The following CSMD1 variants were observed in gnomAD, a reference collection of about 807,000 sequenced individuals.
The protein encoded by CSMD1 is CUB and Sushi multiple domains 1.
Under a neutral mutation model 417.5 loss-of-function variants are expected in CSMD1, and 213 were observed. That is an observed-to-expected ratio of 0.51 (90% CI 0.46 to 0.57). The LOEUF (loss-of-function observed/expected upper bound fraction) is 0.57, where lower values mean the gene tolerates loss of function less well. Ranked by LOEUF, CSMD1 falls within the 20% of genes least tolerant of loss-of-function variation. The pLI is 0.00. For synonymous variants in CSMD1, 2,862 were observed against 1,736.8 expected, an observed-to-expected ratio of 1.65 and a Z score of -16.11; for missense variants, 6,923 against 4,529.7, an observed-to-expected ratio of 1.53 and a Z score of -15.17.
At chr8:4,579,786 C>T (rs1209377209) in intron 2 of CSMD1, among the ~76,000 whole-genome samples, 1 of 152,052 alleles carries the variant, frequency 6.6e-6, no homozygotes, top group Non-Finnish European at 1.5e-5. Context: ...AATTTTATTT[C>T]CATTATTGGC....
At chr8:3,949,626 T>C (rs944094246) in intron 5 of CSMD1, among the ~76,000 whole-genome samples, 13 of 152,034 alleles carry the variant, frequency 8.6e-5, no homozygotes, top group African/African-American at 3.1e-4. Flanking sequence ...GTTTGGGAGA[T>C]GATTTTAGGT....
chr8:4,679,790 ATAT>A lies in CSMD1; in HGVS notation c.86-42235_86-42233del, dbSNP rs1453637791. On this transcript the variant is annotated intron_variant, in intron 1 of 69. Transcript: ENST00000635120. ...TTTATGCTAAGTAATATGTGTATAAATATTATAAAATGCATAATTATTTTAAAT... is the reference window on the plus strand; with the variant it reads ...TTTATGCTAAGTAATATGTGTATAAATATAAAATGCATAATTATTTTAAAT... Among the ~76,000 whole-genome samples the A allele has an allele frequency of 4.6e-5, 7 of 152,272 alleles. No homozygotes were observed. The East Asian group carries it at 1.3e-3, about 29-fold the overall frequency.
At chr8:4,830,422 G>A (rs1800083355) in intron 1 of CSMD1, among the ~76,000 whole-genome samples, 1 of 152,188 alleles carries the variant, frequency 6.6e-6, no homozygotes, top group Non-Finnish European at 1.5e-5. Flanking sequence ...GAACTTGTAT[G>A]TTTGGAGGAA....
intron 49 of CSMD1, among the ~76,000 whole-genome samples, chr8:3,083,705 G>C (rs190478779): frequency 0.011 from 1,378 of 127,070 alleles, 17 homozygotes; most frequent in Middle Eastern, 0.039. Context: ...TCCCAGGCTG[G>C]AGTGCAGTGC....
intron 3 of CSMD1, among the ~76,000 whole-genome samples, chr8:4,083,053 T>C (rs904567805): frequency 6.6e-6 from 1 of 152,068 alleles, no homozygotes; most frequent in Non-Finnish European, 1.5e-5. Flanking sequence ...TTTGCTATTG[T>C]GAATAGTGCC....
chr8:4,056,706 C>A (rs1042143033), intron 3 of CSMD1, among the ~76,000 whole-genome samples: 1 of 151,788 alleles, frequency 6.6e-6, no homozygotes, highest in South Asian at 2.1e-4. Flanking sequence ...CCACAACAGG[C>A]CCTGGTGTGT....
chr8:4,949,610 C>A (rs1808600677), intron 1 of CSMD1, among the ~76,000 whole-genome samples: 1 of 152,148 alleles, frequency 6.6e-6, no homozygotes, highest in African/African-American at 2.4e-5. Context: ...CAGTCAATTG[C>A]CCTTCCACAT....
chr8:3,783,832 A>G (rs895075183), intron 5 of CSMD1, among the ~76,000 whole-genome samples: 4 of 152,150 alleles, frequency 2.6e-5, no homozygotes, highest in Non-Finnish European at 2.9e-5. Context: ...CCCACTTACC[A>G]ATTAATATTG....
chr8:4,338,455 G>A (rs567872193), intron 3 of CSMD1, among the ~76,000 whole-genome samples: 10 of 152,194 alleles, frequency 6.6e-5, no homozygotes, highest in African/African-American at 1.4e-4. Context: ...AAACCTGGAC[G>A]TTTACACCTG....
intron 3 of CSMD1, among the ~76,000 whole-genome samples, chr8:4,075,922 A>T (rs1168929874): frequency 6.6e-6 from 1 of 152,136 alleles, no homozygotes; most frequent in Non-Finnish European, 1.5e-5. Flanking sequence ...CTGGTACTTT[A>T]TATATACTAA....
chr8:4,866,165 G>C (rs567511271), intron 1 of CSMD1, among the ~76,000 whole-genome samples: 1 of 152,016 alleles, frequency 6.6e-6, no homozygotes, highest in African/African-American at 2.4e-5. Context: ...TATGACATCT[G>C]TTTAAGAGGT....
chr8:4,397,679 G>C (rs1180028003), intron 3 of CSMD1, among the ~76,000 whole-genome samples: 1 of 151,810 alleles, frequency 6.6e-6, no homozygotes, highest in East Asian at 1.9e-4. Context: ...GCAGTAAGAT[G>C]AAGAAATAGA....
intron 3 of CSMD1, among the ~76,000 whole-genome samples, chr8:4,198,566 G>A (rs548947604): frequency 1.3e-5 from 2 of 152,238 alleles, no homozygotes; most frequent in East Asian, 3.9e-4. Flanking sequence ...TCAGGAACGT[G>A]CACAAGGAAT....
At chr8:3,208,391 C>T (rs112440799) in intron 30 of CSMD1, among the ~76,000 whole-genome samples, 127 of 152,192 alleles carry the variant, frequency 8.3e-4, no homozygotes, top group African/African-American at 2.7e-3. Flanking sequence ...CTCAACCTCC[C>T]GAGCAGCAGG....
At chr8:4,151,394 G>C (rs543334373) in intron 3 of CSMD1, among the ~76,000 whole-genome samples, 32 of 152,202 alleles carry the variant, frequency 2.1e-4, no homozygotes, top group South Asian at 8.3e-4. Flanking sequence ...TGCTGACCAA[G>C]AAAAATACTC....
chr8:3,863,250 G>A (rs1403650305), intron 5 of CSMD1, among the ~76,000 whole-genome samples: 1 of 151,912 alleles, frequency 6.6e-6, no homozygotes, highest in Non-Finnish European at 1.5e-5. Flanking sequence ...TACAAAAACT[G>A]GCTAGGTCTG....
At chr8:3,778,729 G>A (rs1799023178) in intron 5 of CSMD1, among the ~76,000 whole-genome samples, 1 of 152,188 alleles carries the variant, frequency 6.6e-6, no homozygotes. Flanking sequence ...CCTTTCTGCA[G>A]GGCCTTTGGA....
chr8:3,277,050 T>G lies in CSMD1; in HGVS notation c.4153+7094A>C, dbSNP rs112850017. ...TGTGAGATAGGCACACTGGAATTTC[T>G]TGTGCAACAAGGCGGGGAAGGTCAG... On this transcript the variant is annotated intron_variant, in intron 26 of 69. Coordinates refer to ENST00000635120, the MANE Select transcript of CSMD1 (RefSeq NM_033225.6). Among the ~76,000 whole-genome samples, 1,499 of 152,204 alleles carry G rather than the reference T, an allele frequency of 9.8e-3. 12 individuals are homozygous for G. The highest frequency in any genetic ancestry group is 0.02 in the Middle Eastern group (6 of 294).
At chr8:4,072,012 G>A (rs948313942) in intron 3 of CSMD1, among the ~76,000 whole-genome samples, 1 of 152,144 alleles carries the variant, frequency 6.6e-6, no homozygotes, top group African/African-American at 2.4e-5. Context: ...GGTGGATGTG[G>A]TTTTGCTGGT....
Sources: gnomAD v4.1 joint callset for allele counts (sites outside exome capture counted in the v4.1 genomes callset) on GRCh38, gnomAD v4.1.1 for gene constraint, MANE v1.5 for transcripts, NCBI Gene and HGNC (gene_info 2026-07-23, HGNC 2026-07-21) for gene names.